TIMM23B: variants seen among roughly 807,000 people sequenced by gnomAD.
The protein encoded by TIMM23B is translocase of inner mitochondrial membrane 23 homolog B, also known as mitochondrial import inner membrane translocase subunit Tim23B.
Under a neutral mutation model 27.3 loss-of-function variants are expected in TIMM23B, and 27 were observed. The observed-to-expected ratio is 0.99, with a 90% CI of 0.73 to 1.36. The LOEUF (loss-of-function observed/expected upper bound fraction) is 1.36. TIMM23B is among the 40% of genes most tolerant of loss of function. TIMM23B has a pLI of 0.00. For synonymous variants in TIMM23B, 73 were observed against 92.4 expected, an observed-to-expected ratio of 0.79 and a Z score of 1.21; for missense variants, 205 against 244.2, an observed-to-expected ratio of 0.84 and a Z score of 1.07.
intron 4 of TIMM23B, among the ~76,000 whole-genome samples, chr10:49,954,035 C>A (rs1280116543): frequency 6.6e-6 from 1 of 152,158 alleles, no homozygotes; most frequent in Non-Finnish European, 1.5e-5. Flanking sequence ...ACTTAAAATA[C>A]GTTAGTAAAT....
intron 6 of TIMM23B, among the ~76,000 whole-genome samples, chr10:49,960,239 T>C (rs1441649596): frequency 1.3e-5 from 2 of 149,850 alleles, no homozygotes; most frequent in Non-Finnish European, 3.0e-5. Flanking sequence ...TTTTCGGAGA[T>C]GGGGTCTCAC....
intron 6 of TIMM23B, among the ~76,000 whole-genome samples, chr10:49,965,695 G>T (rs1196515510): frequency 2.0e-5 from 3 of 146,832 alleles, no homozygotes; most frequent in Admixed American, 1.4e-4. Context: ...AGTGAGAAAT[G>T]AAATGATGAA....
chr10:49,952,307 A>T (rs1839557018), intron 3 of TIMM23B, 88 bp downstream of exon 3: 1 of 1,464,926 alleles, frequency 6.8e-7, no homozygotes, highest in South Asian at 1.2e-5. Context: ...TGTTGGTTTC[A>T]GGGTTTTTTT....
intron 6 of TIMM23B, among the ~76,000 whole-genome samples, chr10:49,963,779 A>G (rs1554854946): frequency 6.6e-6 from 1 of 152,250 alleles, no homozygotes; most frequent in African/African-American, 2.4e-5. Context: ...CAGCCTGGCC[A>G]ACATGATGAA....
intron 6 of TIMM23B, among the ~76,000 whole-genome samples, chr10:49,961,776 T>C (rs1335847174): frequency 6.7e-5 from 10 of 150,034 alleles, no homozygotes; most frequent in African/African-American, 2.5e-4. Flanking sequence ...ATTTTTTTCA[T>C]TGTTTCTTTT....
intron 4 of TIMM23B, chr10:49,954,458 T>C (rs1839645971): frequency 5.1e-6 from 1 of 197,488 alleles, no homozygotes; most frequent in African/African-American, 2.3e-5. Context: ...TGATTCCTTC[T>C]CTTTAATTCT....
chr10:49,958,839 T>C (rs1471071029), intron 6 of TIMM23B, among the ~76,000 whole-genome samples: 5 of 152,232 alleles, frequency 3.3e-5, no homozygotes, highest in Admixed American at 2.0e-4. Flanking sequence ...GCACCTCATA[T>C]AAGTAGAATC....
intron 6 of TIMM23B, among the ~76,000 whole-genome samples, chr10:49,971,026 AC>A (rs1279726152): frequency 6.6e-6 from 1 of 152,100 alleles, no homozygotes; most frequent in African/African-American, 2.4e-5. Flanking sequence ...CTATGACCTT[AC>A]CCCCAACCCG....
At chr10:49,959,356 G>T (rs1470127474) in intron 6 of TIMM23B, among the ~76,000 whole-genome samples, 1 of 152,170 alleles carries the variant, frequency 6.6e-6, no homozygotes, top group Non-Finnish European at 1.5e-5. Context: ...TGACTTCCCT[G>T]TAAGTCAATT....
intron 6 of TIMM23B, among the ~76,000 whole-genome samples, chr10:49,961,455 T>C (rs1271032149): frequency 5.3e-5 from 8 of 151,284 alleles, no homozygotes. Flanking sequence ...TGTTTGGTGG[T>C]TTCTTTCTCT....
intron 6 of TIMM23B, among the ~76,000 whole-genome samples, chr10:49,962,035 T>C (rs1231585547): frequency 2.0e-5 from 3 of 151,038 alleles, no homozygotes; most frequent in Non-Finnish European, 4.4e-5. Flanking sequence ...CTTATGAAAG[T>C]TTTTGACAGT....
chr10:49,953,402 A>G (rs1362140522), intron 4 of TIMM23B, among the ~76,000 whole-genome samples: 3 of 152,314 alleles, frequency 2.0e-5, no homozygotes, highest in Admixed American at 6.5e-5. Context: ...CTGGAGTGCA[A>G]TGGTGCCATC....
At chr10:49,950,219 TC>T (rs71229521) in intron 2 of TIMM23B, among the ~76,000 whole-genome samples, 2 of 149,228 alleles carry the variant, frequency 1.3e-5, no homozygotes, top group African/African-American at 2.5e-5. Flanking sequence ...TTTTTTTTTT[TC>T]CCCCAGCAAG....
At chr10:49,942,416 T>G in intron 1 of TIMM23B, 116 bp downstream of exon 1, 1 of 1,535,030 alleles carries the variant, frequency 6.5e-7, no homozygotes, top group East Asian at 2.5e-5. Flanking sequence ...GTTTACAAGC[T>G]TAAGTACCAG....
chr10:49,955,752 T>C (rs1839695843), intron 5 of TIMM23B, among the ~76,000 whole-genome samples: 1 of 152,196 alleles, frequency 6.6e-6, no homozygotes, highest in Non-Finnish European at 1.5e-5. Context: ...AGAAAACTCA[T>C]TGAAAACATA....
intron 2 of TIMM23B, among the ~76,000 whole-genome samples, chr10:49,947,592 AGAG>A (rs1307268497): frequency 6.6e-6 from 1 of 152,008 alleles, no homozygotes; most frequent in Non-Finnish European, 1.5e-5. Context: ...CCTGGGCAAC[AGAG>A]TAAGACTCGG....
chr10:49,973,328 CTAT>C lies in TIMM23B; in HGVS notation c.*269_*271del, dbSNP rs1554856974. On this transcript the variant is annotated 3_prime_UTR_variant, in exon 7 of 7. Transcript: ENST00000651259. ...GACTTGTAAATTAGTAATTTCTGAA[CTAT>C]TATTTATCAATTCATTGCCTACATG... 2.2e-5 allele frequency: 10 copies of C among 460,604 alleles called. No homozygotes were observed. The highest frequency in any genetic ancestry group is 3.8e-5 in the Non-Finnish European group (10 of 263,058). The allele number at this position is 460,604 out of a possible 1,614,324, so 28.5% of individuals were successfully genotyped here. A position where few individuals can be genotyped will look rare whatever the true frequency, so the allele number is the denominator to read the frequency against.
intron 6 of TIMM23B, among the ~76,000 whole-genome samples, chr10:49,959,184 C>A (rs2133080283): frequency 6.6e-6 from 1 of 152,110 alleles, no homozygotes; most frequent in South Asian, 2.1e-4. Context: ...ATATAAGATT[C>A]TTTTCTGTAT....
intron 1 of TIMM23B, among the ~76,000 whole-genome samples, chr10:49,942,960 A>G (rs1839199918): frequency 6.6e-6 from 1 of 152,222 alleles, no homozygotes; most frequent in Admixed American, 6.5e-5. Flanking sequence ...GTACTTTGTA[A>G]CTGTGGTTGT....
Sources: gnomAD v4.1 joint callset for allele counts (sites outside exome capture counted in the v4.1 genomes callset) on GRCh38, gnomAD v4.1.1 for gene constraint, MANE v1.5 for transcripts, NCBI Gene and HGNC (gene_info 2026-07-23, HGNC 2026-07-21) for gene names.